TRPM8: variants seen among roughly 807,000 people sequenced by gnomAD.
TRPM8 encodes TRPM8 cationic channel.
In TRPM8, 110 loss-of-function variants were observed where a neutral mutation model predicts 133.7. That is an observed-to-expected ratio of 0.82 (90% CI 0.70 to 0.96). The LOEUF is 0.96. Among genes scored for constraint, TRPM8 ranks in the 40% least tolerant of loss-of-function variants. TRPM8 has a pLI of 0.00. For synonymous variants in TRPM8, 535 were observed against 532.3 expected (o/e 1.01, Z -0.07); for missense variants, 1,291 against 1,379.5 (o/e 0.94, Z 1.02).
chr2:233,922,386 C>T (rs1324931468), intron 1 of TRPM8, among the ~76,000 whole-genome samples: 1 of 152,180 alleles, frequency 6.6e-6, no homozygotes, highest in Non-Finnish European at 1.5e-5. Context: ...CAGGCTTCCC[C>T]TGTGGCTGGA....
intron 9 of TRPM8, among the ~76,000 whole-genome samples, chr2:233,953,123 C>A (rs1486915894): frequency 6.6e-5 from 10 of 152,198 alleles, no homozygotes; most frequent in African/African-American, 9.6e-5. Context: ...CCATCACCAC[C>A]TTTCCCAGGC....
At chr2:233,975,406 G>T (rs1389277788) in intron 17 of TRPM8, among the ~76,000 whole-genome samples, 1 of 152,180 alleles carries the variant, frequency 6.6e-6, no homozygotes, top group Admixed American at 6.5e-5. Flanking sequence ...AGGGCAGAGG[G>T]CGCTTTGGTG....
Position 233,972,135 on chromosome 2 carries a change from T to A in TRPM8, c.2355+1709T>A, listed in dbSNP as rs543357266. Among the ~76,000 whole-genome samples, 650 of 152,102 alleles carry A rather than the reference T, an allele frequency of 4.3e-3. 11 individuals are homozygous for A. Among genetic ancestry groups the A allele is most frequent in the African/African-American group, 0.015 (634 of 41,446 alleles). The stretch of plus-strand genomic sequence containing the variant: ...TAGACACAGGGTGCTGATTGGTGTG[T>A]TTACAAACCTTGAGCTAGATACAGA... On this transcript the variant is annotated intron_variant, in intron 17 of 25. Coordinates refer to ENST00000324695, the MANE Select transcript of TRPM8 (RefSeq NM_024080.5).
intron 1 of TRPM8, among the ~76,000 whole-genome samples, chr2:233,921,684 T>TA (rs1488974708): frequency 6.9e-6 from 1 of 144,910 alleles, no homozygotes; most frequent in Non-Finnish European, 1.5e-5. Flanking sequence ...TTTCTTTTTT[T>TA]TTTTTTTTTT....
chr2:233,991,856 G>A (rs1692286473), intron 21 of TRPM8, among the ~76,000 whole-genome samples: 1 of 152,108 alleles, frequency 6.6e-6, no homozygotes, highest in Non-Finnish European at 1.5e-5. Context: ...AGGAGCCTAA[G>A]GCTTATCTTG....
chr2:234,017,373 T>G lies in TRPM8; in HGVS notation c.*117T>G, dbSNP rs778311034. The G allele has an allele frequency of 2.1e-6, 1 of 471,158 alleles. No individual in the cohort carries two copies. Among genetic ancestry groups the G allele is most frequent in the Non-Finnish European group, 4.4e-6 (1 of 227,094 alleles). 29.2% of individuals were successfully genotyped at this position (471,158 alleles called of 1,614,324 possible). On this transcript the variant is annotated 3_prime_UTR_variant, in exon 26 of 26. Coordinates refer to ENST00000324695, the MANE Select transcript of TRPM8 (RefSeq NM_024080.5). ...AGAGATTTTCAGACCCCTGGGTACA[T>G]GGTGGATGATTTTAAATCACCCTAG...
rs776162455 is a variant in TRPM8 at position 233,937,410 on chromosome 2, C to T, written c.249C>T (p.Ile83=). Residue 83 remains isoleucine, a synonymous_variant, in exon 4 of 26, where the codon ATC becomes ATT. Coordinates refer to ENST00000324695, the MANE Select transcript of TRPM8 (RefSeq NM_024080.5). The part of the protein sequence containing the change: ...AQSQHMEGTQ[I]NQSEKWNYKK... ...GCCAGCACATGGAAGGCACCCAGAT[C>T]AACCAAAGTGAGAAATGGAACTACA... is the stretch of plus-strand genomic sequence containing the variant. 2 of 1,614,176 alleles carry T rather than the reference C, an allele frequency of 1.2e-6. No homozygotes were observed. The highest frequency in any genetic ancestry group is 2.2e-5 in the East Asian group (1 of 44,878).
intron 15 of TRPM8, 126 bp from the exon 16 acceptor site, chr2:233,969,569 T>G: frequency 1.5e-6 from 1 of 660,706 alleles, no homozygotes; most frequent in Non-Finnish European, 2.7e-6. Context: ...TATAAAAGAA[T>G]AATGACATTA....
intron 24 of TRPM8, among the ~76,000 whole-genome samples, chr2:234,010,927 C>A (rs1403903937): frequency 6.6e-6 from 1 of 152,050 alleles, no homozygotes; most frequent in Non-Finnish European, 1.5e-5. Flanking sequence ...CATAGGTTGC[C>A]CTTTTATTTA....
At chr2:233,953,542 C>T (rs915021911) in intron 9 of TRPM8, among the ~76,000 whole-genome samples, 6 of 152,130 alleles carry the variant, frequency 3.9e-5, no homozygotes, top group African/African-American at 1.4e-4. Flanking sequence ...TTGTTTAAAT[C>T]TTTATGGGCA....
chr2:234,011,601 T>A (rs1381790641), intron 24 of TRPM8, among the ~76,000 whole-genome samples: 1 of 152,200 alleles, frequency 6.6e-6, no homozygotes, highest in Non-Finnish European at 1.5e-5. Context: ...GAACATGGGA[T>A]GTTTTTCCAT....
intron 6 of TRPM8, 90 bp from the exon 7 acceptor site, chr2:233,945,766 G>A: frequency 8.1e-7 from 1 of 1,236,606 alleles, no homozygotes; most frequent in Non-Finnish European, 1.1e-6. Flanking sequence ...TGAACCCAAA[G>A]TATTAGCTTT....
At chr2:233,999,756 A>C (rs1692504010) in intron 22 of TRPM8, among the ~76,000 whole-genome samples, 1 of 152,242 alleles carries the variant, frequency 6.6e-6, no homozygotes, top group African/African-American at 2.4e-5. Context: ...TAGTTCGAGC[A>C]GTCCCACGTT....
chr2:233,940,100 T>G (rs1188311481), intron 5 of TRPM8, among the ~76,000 whole-genome samples: 1 of 152,124 alleles, frequency 6.6e-6, no homozygotes, highest in East Asian at 1.9e-4. Context: ...TTTCCTTGTC[T>G]TTCATTACGT....
rs746923666 is a variant in TRPM8, at chr2:233,937,496, G to C, written c.335G>C (p.Gly112Ala). 1 of 1,613,188 alleles carries C rather than the reference G, an allele frequency of 6.2e-7. No individual in the cohort carries two copies. Among genetic ancestry groups the C allele is most frequent in the Non-Finnish European group, 8.5e-7 (1 of 1,179,598 alleles). The change falls in exon 4 of 26, where the codon GGG (glycine) becomes GCG (alanine). Residue 112 changes from glycine (G) to alanine (A), a missense_variant. This residue lies in a region of TRPM8 where 963 missense variants were observed against 968.9 expected (regional missense o/e 0.99). Transcript: ENST00000324695. Reference sequence around the variant, plus strand: ...GGGGATATTCAGTTTGAGACACTGGGGAAGAAAGGGAAGGTAAGCAATGGT... The same window carrying C: ...GGGGATATTCAGTTTGAGACACTGGCGAAGAAAGGGAAGGTAAGCAATGGT... The part of the protein sequence containing the change: ...AFGDIQFETL[G>A]KKGKYIRLSC...
At position 233,926,561 on chromosome 2, in the gene TRPM8, C is replaced by T; in HGVS notation, c.24C>T (p.Leu8=). ...AGATGTCCTTTCGGGCAGCCAGGCTCAGCATGAGGAACAGAAGGAATGACA... is the reference window on the plus strand; with the variant it reads ...AGATGTCCTTTCGGGCAGCCAGGCTTAGCATGAGGAACAGAAGGAATGACA... MSFRAAR[L]SMRNRRNDTL... The change falls in exon 2 of 26, where the codon CTC becomes CTT. Residue 8 remains leucine, a synonymous_variant. Transcript: ENST00000324695. 6.2e-7 allele frequency: 1 copy of T among 1,614,070 alleles called. No individual in the cohort carries two copies. Among genetic ancestry groups the T allele is most frequent in the South Asian group, 1.1e-5 (1 of 91,068 alleles).
At chr2:233,983,340 C>A in intron 20 of TRPM8, 116 bp downstream of exon 20, 1 of 1,177,746 alleles carries the variant, frequency 8.5e-7, no homozygotes, top group Non-Finnish European at 1.3e-6. Context: ...AAACGGAGTC[C>A]AACATAACAG....
rs1559516638 is a variant in TRPM8 at position 233,927,908 on chromosome 2, T to TTCTTTCTTTCTC, written c.117+1257_117+1258insTTCTTTCTCTCT. Among the ~76,000 whole-genome samples the TTCTTTCTTTCTC allele has an allele frequency of 1.2e-3, 45 of 38,856 alleles. 6 individuals are homozygous for TTCTTTCTTTCTC. The highest frequency in any genetic ancestry group is 2.0e-3 in the East Asian group (1 of 494). The allele number at this position is 38,856 out of a possible 152,430, so 25.5% of individuals were successfully genotyped here. A position where few individuals can be genotyped will look rare whatever the true frequency, so the allele number is the denominator to read the frequency against. On this transcript the variant is annotated intron_variant, in intron 2 of 25. Transcript: ENST00000324695. ...TTTCTTTCTTTCTTTCTTTCTTTCT[T>TTCTTTCTTTCTC]TCTCTCTCTCTCTCTTTCTCTCTCT... is the stretch of plus-strand genomic sequence containing the variant.
chr2:233,981,908 A>G lies in TRPM8; in HGVS notation c.2582A>G (p.Gln861Arg). Residue 861 changes from glutamine to arginine, a missense_variant, in exon 19 of 26, where the codon CAG (glutamine) becomes CGG (arginine). Around this residue, in one of 2 missense-constraint regions of TRPM8, gnomAD observed 328 missense variants for 410.6 expected, o/e 0.80. Transcript: ENST00000324695. ...TTAGGACCCAAGATTATAATGCTGC[A>G]GAGGATGGTAAGAGTCAAGAATATT... ...RNLGPKIIMLQRMLIDVFFFL... is the reference protein window; with the variant it reads ...RNLGPKIIMLRRMLIDVFFFL... 1.2e-6 allele frequency: 2 copies of G among 1,608,964 alleles called. No homozygotes were observed. The highest frequency in any genetic ancestry group is 8.5e-7 in the Non-Finnish European group (1 of 1,178,774).
Sources: gnomAD v4.1 joint callset for allele counts (sites outside exome capture counted in the v4.1 genomes callset) on GRCh38, gnomAD v4.1.1 for gene constraint, gnomAD v4.1.1 regional missense constraint, MANE v1.5 for transcripts, NCBI Gene and HGNC (gene_info 2026-07-23, HGNC 2026-07-21) for gene names.